Variants in ASPRV1 observed in about 807,000 individuals in gnomAD.
ASPRV1 encodes retroviral-like aspartic protease 1.
A neutral mutation model predicts 11.0 loss-of-function variants in ASPRV1; 7 were observed. The ratio of observed to expected loss-of-function variants is 0.64; its 90% CI spans 0.36 to 1.20. The LOEUF (loss-of-function observed/expected upper bound fraction) is 1.20. Ranked by LOEUF, ASPRV1 falls within the 50% of genes most tolerant of loss-of-function variation. The probability of loss-of-function intolerance (pLI) is 0.02; values close to 1 mark genes in which losing one functional copy is unlikely to be tolerated. For synonymous variants in ASPRV1, 136 were observed against 138.4 expected (o/e 0.98, Z 0.12); for missense variants, 299 against 320.0 (o/e 0.93, Z 0.50).
At chr2:69,972,652 G>A in the ASPRV1 span, among the ~76,000 whole-genome samples, 13 of 152,110 alleles carry the variant, frequency 8.5e-5, no homozygotes, top group East Asian at 1.9e-4. Context: ...GCCATTCGCC[G>A]GGCCTGCCGT....
chr2:69,985,816 A>C, the ASPRV1 span, among the ~76,000 whole-genome samples: 6 of 152,326 alleles, frequency 3.9e-5, no homozygotes, highest in East Asian at 1.2e-3. Context: ...GCTCAGACAG[A>C]CATGGAACCC....
chr2:70,086,627 GC>G, the ASPRV1 span: 1 of 152,252 alleles, frequency 6.6e-6, no homozygotes, highest in Non-Finnish European at 1.5e-5. Flanking sequence ...CTGGCCGGCA[GC>G]CCCTGAACAA....
the ASPRV1 span, among the ~76,000 whole-genome samples, chr2:70,068,783 A>AAT: frequency 6.6e-6 from 1 of 150,808 alleles, no homozygotes; most frequent in African/African-American, 2.5e-5. Flanking sequence ...AAAAAAAAAA[A>AAT]AAAATAACAA....
At chr2:70,000,113 T>G in the ASPRV1 span, among the ~76,000 whole-genome samples, 2 of 152,198 alleles carry the variant, frequency 1.3e-5, no homozygotes, top group Non-Finnish European at 2.9e-5. Context: ...CTTGATTACA[T>G]GGATATTTTA....
chr2:69,935,268 C>A, the ASPRV1 span: 5 of 969,534 alleles, frequency 5.2e-6, no homozygotes, highest in Non-Finnish European at 8.2e-6. Context: ...GGCAACTTCA[C>A]ACTCTTTGAG....
the ASPRV1 span, among the ~76,000 whole-genome samples, chr2:69,989,282 C>T: frequency 6.6e-6 from 1 of 152,260 alleles, no homozygotes; most frequent in African/African-American, 2.4e-5. Flanking sequence ...GAAACCTTGG[C>T]TCCAAGTCCT....
At chr2:69,947,289 T>C in the ASPRV1 span, among the ~76,000 whole-genome samples, 2,184 of 152,304 alleles carry the variant, frequency 0.014, 49 homozygotes, top group African/African-American at 0.049. Flanking sequence ...CCTGCTTTCT[T>C]GTCACCACAC....
the ASPRV1 span, among the ~76,000 whole-genome samples, chr2:70,016,738 G>A: frequency 6.6e-6 from 1 of 152,042 alleles, no homozygotes; most frequent in Non-Finnish European, 1.5e-5. Context: ...CAGCTACTCA[G>A]GAGGCTGAGG....
At position 69,961,567 on chromosome 2, in the gene ASPRV1, G is replaced by A; in HGVS notation, c.-131C>T. On this transcript the variant is annotated 5_prime_UTR_variant, in exon 1 of 1. Transcript: ENST00000320256. Reference sequence around the variant, plus strand: ...AGTGGGGATGACTTGCCCGGCCTTGGGCAAGCAGGAGGGAGCAGGCGCGGT... The same window carrying A: ...AGTGGGGATGACTTGCCCGGCCTTGAGCAAGCAGGAGGGAGCAGGCGCGGT... 1.2e-6 allele frequency: 2 copies of A among 1,614,118 alleles called. No individual in the cohort carries two copies. Among genetic ancestry groups the A allele is most frequent in the South Asian group, 1.1e-5 (1 of 91,074 alleles).
chr2:70,021,044 G>A, the ASPRV1 span, among the ~76,000 whole-genome samples: 1 of 152,194 alleles, frequency 6.6e-6, no homozygotes, highest in African/African-American at 2.4e-5. Context: ...AATGGAAGCT[G>A]TATGTCCACT....
the ASPRV1 span, among the ~76,000 whole-genome samples, chr2:70,064,577 A>T: frequency 6.6e-6 from 1 of 152,210 alleles, no homozygotes; most frequent in African/African-American, 2.4e-5. Flanking sequence ...TTCTAGGCAC[A>T]ATGAAGAGCA....
the ASPRV1 span, chr2:69,940,226 C>G: frequency 1.3e-5 from 2 of 151,296 alleles, no homozygotes; most frequent in Admixed American, 1.3e-4. Context: ...AACTTGTATG[C>G]CTTTTGCATT....
upstream of ASPRV1, among the ~76,000 whole-genome samples, chr2:69,964,064 T>C (rs1004592139): frequency 6.6e-6 from 1 of 152,166 alleles, no homozygotes; most frequent in Non-Finnish European, 1.5e-5. Context: ...TTTTTCCCCC[T>C]CTGGAATGCC....
upstream of ASPRV1, chr2:69,963,248 G>A (rs1558582384): frequency 4.4e-6 from 2 of 455,950 alleles, no homozygotes; most frequent in African/African-American, 2.0e-5. Flanking sequence ...GGCATTCCAG[G>A]AGCCCAGAGG....
At chr2:70,010,635 A>C in the ASPRV1 span, among the ~76,000 whole-genome samples, 1 of 152,180 alleles carries the variant, frequency 6.6e-6, no homozygotes, top group Non-Finnish European at 1.5e-5. Context: ...TTAAATGATC[A>C]AACTTTCCAG....
chr2:69,959,262 C>T (rs998517098), downstream of ASPRV1, among the ~76,000 whole-genome samples: 5 of 152,150 alleles, frequency 3.3e-5, no homozygotes, highest in East Asian at 1.9e-4. Flanking sequence ...TCTGACCTTG[C>T]GCCAATCTTC....
chr2:70,044,456 A>T, the ASPRV1 span, among the ~76,000 whole-genome samples: 2 of 152,002 alleles, frequency 1.3e-5, no homozygotes. Flanking sequence ...GGAGACACCT[A>T]ATGTTTTGTT....
chr2:69,953,197 A>G, the ASPRV1 span, among the ~76,000 whole-genome samples: 18 of 152,222 alleles, frequency 1.2e-4, no homozygotes, highest in Non-Finnish European at 5.9e-5. Flanking sequence ...TGCCTAAACC[A>G]TGGATCAGTG....
chr2:69,964,319 G>A (rs969583213), upstream of ASPRV1: 1 of 455,306 alleles, frequency 2.2e-6, no homozygotes, highest in African/African-American at 2.0e-5. Flanking sequence ...TGTCCATACA[G>A]TTCCCTCTGG....
Sources: allele counts gnomAD v4.1 joint callset (sites outside exome capture counted in the v4.1 genomes callset), GRCh38; gene constraint gnomAD v4.1.1; transcripts MANE v1.5; gene names NCBI Gene and HGNC (gene_info 2026-07-23, HGNC 2026-07-21).